The following FAM178B variants were observed in gnomAD, a reference collection of about 807,000 sequenced individuals.
FAM178B encodes protein FAM178B.
FAM178B carries 82 observed loss-of-function variants against 91.7 expected under a neutral mutation model. That is an observed-to-expected ratio of 0.89 (90% CI 0.75 to 1.07). The LOEUF is 1.07. Among genes scored for constraint, FAM178B ranks in the 50% least tolerant of loss-of-function variants. The pLI, the probability that FAM178B is intolerant of heterozygous loss-of-function variation, is 0.00. For missense variants in FAM178B, 769 were observed against 846.7 expected, an observed-to-expected ratio of 0.91 and a Z score of 1.14; for synonymous variants, 368 against 359.4, an observed-to-expected ratio of 1.02 and a Z score of -0.27.
chr2:96,941,747 G>A (rs13006507), intron 8 of FAM178B, among the ~76,000 whole-genome samples: 23,295 of 152,152 alleles, frequency 0.15, 2,464 homozygotes, highest in Middle Eastern at 0.3. Context: ...GGTAAAAATG[G>A]ACAATTGTCT....
chr2:96,948,492 C>G (rs1247987863), intron 7 of FAM178B, among the ~76,000 whole-genome samples: 1 of 152,198 alleles, frequency 6.6e-6, no homozygotes, highest in Non-Finnish European at 1.5e-5. Context: ...CAGTCAGAAG[C>G]TGGGGTTTGG....
chr2:96,972,572 G>T lies in FAM178B; in HGVS notation c.108C>A (p.Pro36=). The T allele has an allele frequency of 6.4e-7, 1 of 1,551,690 alleles. No homozygotes were observed. Among genetic ancestry groups the T allele is most frequent in the South Asian group, 1.2e-5 (1 of 84,064 alleles). Residue 36 remains proline (P), a synonymous_variant, in exon 2 of 17, where the codon CCC becomes CCA. Transcript: ENST00000490605. ...GAGGAAGGGCTAGCACCGTCTCCTGGGGCCCAGCCATCTGCAAGCCGTGGG... is the reference window on the plus strand; with the variant it reads ...GAGGAAGGGCTAGCACCGTCTCCTGTGGCCCAGCCATCTGCAAGCCGTGGG... ...QMSHGLQMAG[P]QETVLALPLR...
At chr2:96,959,199 G>GAAAA (rs57498168) in intron 6 of FAM178B, among the ~76,000 whole-genome samples, 3 of 82,132 alleles carry the variant, frequency 3.7e-5, no homozygotes, top group African/African-American at 6.5e-5. Flanking sequence ...ACTCAGTTTT[G>GAAAA]AAAAAAAAAA....
intron 13 of FAM178B, among the ~76,000 whole-genome samples, chr2:96,896,333 T>C (rs1432324200): frequency 6.6e-6 from 1 of 152,214 alleles, no homozygotes; most frequent in East Asian, 1.9e-4. Context: ...GCCTGTGCCG[T>C]TGTGCCTTCC....
At chr2:96,977,452 A>ATT (rs558867160) in intron 1 of FAM178B, among the ~76,000 whole-genome samples, 7 of 135,414 alleles carry the variant, frequency 5.2e-5, no homozygotes, top group East Asian at 2.1e-4. Flanking sequence ...CCTTTTGGGA[A>ATT]TTTTTTTTTT....
chr2:96,923,251 G>A (rs1472501547), intron 10 of FAM178B, among the ~76,000 whole-genome samples: 1 of 152,192 alleles, frequency 6.6e-6, no homozygotes, highest in Non-Finnish European at 1.5e-5. Context: ...GGGATTACAG[G>A]CATGAGCCAC....
At chr2:96,971,121 C>T (rs1335073732) in intron 3 of FAM178B, among the ~76,000 whole-genome samples, 3 of 151,994 alleles carry the variant, frequency 2.0e-5, no homozygotes, top group Non-Finnish European at 4.4e-5. Context: ...CTCTATCCTG[C>T]ACCACACACT....
intron 4 of FAM178B, 66 bp from the exon 5 acceptor site, chr2:96,967,693 G>T: frequency 8.7e-7 from 1 of 1,143,842 alleles, no homozygotes; most frequent in Non-Finnish European, 1.3e-6. Context: ...CCTGTCACTG[G>T]GCTGCAGGTG....
intron 8 of FAM178B, among the ~76,000 whole-genome samples, chr2:96,938,255 A>AATTCCTGATG (rs2081665581): frequency 1.3e-5 from 2 of 152,152 alleles, no homozygotes; most frequent in Admixed American, 1.3e-4. Context: ...GAGCTTTAAA[A>AATTCCTGATG]ATTCCTGATG....
In FAM178B at chr2:96,947,842, CA is replaced by C; in HGVS notation, c.1053del (p.Ile351MetfsTer56). 1.9e-6 allele frequency: 3 copies of C among 1,547,060 alleles called. No homozygotes were observed. Among genetic ancestry groups the C allele is most frequent in the Non-Finnish European group, 2.6e-6 (3 of 1,143,178 alleles). ...CCAGGCTGAAGGAAGATTCCATCCACAATGAGATCCCACAGAAGACCAAAGG... is the reference window on the plus strand; with the variant it reads ...CCAGGCTGAAGGAAGATTCCATCCACATGAGATCCCACAGAAGACCAAAGG... The part of the protein sequence containing the change: ...LGAFGLLWDL[I>X]VDGIFLQPDE... On this transcript the variant is annotated frameshift_variant, in exon 8 of 17. Coordinates refer to ENST00000490605, the MANE Select transcript of FAM178B (RefSeq NM_001122646.3). LOFTEE classifies it high-confidence loss of function.
intron 8 of FAM178B, chr2:96,939,255 G>C (rs1023691650): frequency 1.3e-5 from 2 of 151,998 alleles, no homozygotes; most frequent in African/African-American, 4.8e-5. Flanking sequence ...CCAGCACTTC[G>C]GGAGGCTGAG....
intron 16 of FAM178B, among the ~76,000 whole-genome samples, chr2:96,877,371 C>G (rs551457442): frequency 4.6e-5 from 7 of 152,062 alleles, no homozygotes; most frequent in Non-Finnish European, 1.0e-4. Context: ...TCTCTGTGTC[C>G]CCTTCCCTCC....
intron 1 of FAM178B, among the ~76,000 whole-genome samples, chr2:96,983,676 C>A (rs908146508): frequency 3.9e-5 from 6 of 152,104 alleles, no homozygotes; most frequent in Non-Finnish European, 8.8e-5. Flanking sequence ...CTGGTCACCT[C>A]AGCTAACAAA....
At position 96,961,334 on chromosome 2, in the gene FAM178B, T is replaced by TGTGC. The variant is rs1553508293; in HGVS notation, c.735-895_735-894insGCAC. On this transcript the variant is annotated intron_variant, in intron 5 of 16. Coordinates refer to ENST00000490605, the MANE Select transcript of FAM178B (RefSeq NM_001122646.3). ...GAGGGTGTGTGTGTGTGTGTGTGTG[T>TGTGC]GTGTGTACACACACACAAGCCTACA... is the stretch of plus-strand genomic sequence containing the variant. Among the ~76,000 whole-genome samples the TGTGC allele has an allele frequency of 1.6e-4, 24 of 151,446 alleles. 1 individual carries two copies. Among genetic ancestry groups the TGTGC allele is most frequent in the East Asian group, 5.9e-4 (3 of 5,050 alleles).
intron 6 of FAM178B, among the ~76,000 whole-genome samples, chr2:96,956,469 C>A (rs2082001493): frequency 1.3e-5 from 2 of 152,214 alleles, no homozygotes; most frequent in Admixed American, 1.3e-4. Context: ...CCCAAGCTCG[C>A]TCTGCAGTCT....
intron 1 of FAM178B, among the ~76,000 whole-genome samples, chr2:96,985,286 G>T (rs1338302308): frequency 6.6e-6 from 1 of 152,084 alleles, no homozygotes; most frequent in Non-Finnish European, 1.5e-5. Context: ...TTCTTTCCAG[G>T]TTCAGGACTG....
intron 12 of FAM178B, among the ~76,000 whole-genome samples, chr2:96,905,856 A>ATT (rs2081040471): frequency 1.1e-4 from 2 of 18,106 alleles, no homozygotes; most frequent in African/African-American, 2.7e-4. Context: ...ATATATATAT[A>ATT]TATATTTTTT....
At chr2:96,888,010 G>A (rs12613171) in intron 14 of FAM178B, among the ~76,000 whole-genome samples, 38,394 of 152,158 alleles carry the variant, frequency 0.25, 6,153 homozygotes, top group South Asian at 0.67. Context: ...AAGCCTGCTC[G>A]TACACTTGCA....
intron 8 of FAM178B, among the ~76,000 whole-genome samples, chr2:96,936,085 A>G (rs1203598097): frequency 2.0e-5 from 3 of 152,232 alleles, no homozygotes; most frequent in Non-Finnish European, 4.4e-5. Context: ...GTGGAGAATG[A>G]GTATACAGAA....
Sources: gnomAD v4.1 joint callset for allele counts (sites outside exome capture counted in the v4.1 genomes callset) on GRCh38, gnomAD v4.1.1 for gene constraint, MANE v1.5 for transcripts, NCBI Gene and HGNC (gene_info 2026-07-23, HGNC 2026-07-21) for gene names.